ORC4: variants seen among roughly 807,000 people sequenced by gnomAD.
ORC4 encodes origin recognition complex, subunit 4 homolog.
A neutral mutation model predicts 63.9 loss-of-function variants in ORC4; 55 were observed. The observed-to-expected ratio is 0.86, with a 90% CI of 0.69 to 1.08. The LOEUF (loss-of-function observed/expected upper bound fraction) is 1.08. Among genes scored for constraint, ORC4 ranks in the 50% least tolerant of loss-of-function variants. ORC4 has a pLI of 0.00. For synonymous variants in ORC4, 150 were observed against 168.5 expected, an observed-to-expected ratio of 0.89 and a Z score of 0.85; for missense variants, 511 against 504.4, an observed-to-expected ratio of 1.01 and a Z score of -0.13.
At chr2:147,944,672 C>T (rs1688555962) in intron 9 of ORC4, among the ~76,000 whole-genome samples, 1 of 146,280 alleles carries the variant, frequency 6.8e-6, no homozygotes, top group Non-Finnish European at 1.5e-5. Context: ...TTTCAAAAAT[C>T]ATCTGCATGG....
chr2:147,939,332 G>C, intron 10 of ORC4, 84 bp from the exon 11 acceptor site: 1 of 809,178 alleles, frequency 1.2e-6, no homozygotes. Context: ...AATTTGTATA[G>C]TTAATTCTTA....
chr2:148,000,176 T>A (rs1000371835), intron 1 of ORC4, among the ~76,000 whole-genome samples: 9 of 151,910 alleles, frequency 5.9e-5, no homozygotes, highest in African/African-American at 1.9e-4. Flanking sequence ...CATGAGGAAT[T>A]TTCCCAGAGT....
intron 9 of ORC4, 176 bp downstream of exon 9, chr2:147,947,875 A>G: frequency 1.9e-6 from 1 of 533,134 alleles, no homozygotes; most frequent in Admixed American, 3.3e-5. Context: ...AGGAGAAATG[A>G]CATTTCAACT....
intron 1 of ORC4, among the ~76,000 whole-genome samples, chr2:147,981,643 T>C (rs563775086): frequency 1.3e-5 from 2 of 152,302 alleles, no homozygotes; most frequent in Non-Finnish European, 1.5e-5. Flanking sequence ...CCACAATGTA[T>C]ACCTATATTA....
At chr2:147,988,052 CAAA>C (rs1213881150) in intron 1 of ORC4, among the ~76,000 whole-genome samples, 4 of 60,234 alleles carry the variant, frequency 6.6e-5, no homozygotes, top group Admixed American at 3.8e-4. Context: ...GACTCTGTCT[CAAA>C]AAAAAAAAAA....
At chr2:148,021,409 A>G, upstream of ORC4, 1 of 499,234 alleles carries the variant, frequency 2.0e-6, no homozygotes, top group Non-Finnish European at 3.9e-6. Flanking sequence ...CCGTGAGAGG[A>G]GGAGAGAAAG....
At chr2:147,948,827 T>TG (rs1042626512) in intron 8 of ORC4, among the ~76,000 whole-genome samples, 9 of 151,468 alleles carry the variant, frequency 5.9e-5, no homozygotes, top group African/African-American at 2.2e-4. Flanking sequence ...TGTTCTTAAA[T>TG]GAAGAAAATA....
intron 1 of ORC4, among the ~76,000 whole-genome samples, chr2:148,002,952 A>G (rs1302460673): frequency 6.6e-6 from 1 of 152,246 alleles, no homozygotes. Flanking sequence ...CCACAGAAAT[A>G]CAAACTACCA....
chr2:147,938,093 G>T (rs1419843056), intron 13 of ORC4, 53 bp downstream of exon 13: 3 of 1,162,864 alleles, frequency 2.6e-6, no homozygotes, highest in African/African-American at 1.5e-5. Context: ...TAATCAAATT[G>T]GATGTAAAAA....
intron 1 of ORC4, among the ~76,000 whole-genome samples, chr2:147,986,152 CAT>C (rs1476267224): frequency 6.6e-6 from 1 of 152,116 alleles, no homozygotes; most frequent in Non-Finnish European, 1.5e-5. Flanking sequence ...AAAAGGAATA[CAT>C]GTTTCGTACA....
At chr2:148,019,257 G>A (rs1045763987) in intron 1 of ORC4, among the ~76,000 whole-genome samples, 2 of 152,180 alleles carry the variant, frequency 1.3e-5, no homozygotes, top group South Asian at 2.1e-4. Flanking sequence ...AAAGCAAAAC[G>A]TGGAAAATTA....
intron 6 of ORC4, among the ~76,000 whole-genome samples, chr2:147,955,741 G>C (rs909385828): frequency 1.3e-5 from 2 of 151,964 alleles, no homozygotes; most frequent in African/African-American, 4.8e-5. Flanking sequence ...TTGTAGAATT[G>C]CCATATTCTA....
Position 147,932,187 on chromosome 2 carries a change from A to G in ORC4, c.*3323T>C, listed in dbSNP as rs1199728169. 22 of 150,186 alleles carry G rather than the reference A, an allele frequency of 1.5e-4. No individual in the cohort carries two copies. The highest frequency in any genetic ancestry group is 5.1e-4 in the African/African-American group (21 of 41,038). The allele number at this position is 150,186 out of a possible 1,614,324, so 9.3% of individuals were successfully genotyped here. ...CAGACAAACAGAGAGCCAAATCATGAGTGAACTCCCATTCACAATTGCTTC... is the reference window on the plus strand; with the variant it reads ...CAGACAAACAGAGAGCCAAATCATGGGTGAACTCCCATTCACAATTGCTTC... On this transcript the variant is annotated 3_prime_UTR_variant, in exon 14 of 14. Coordinates refer to ENST00000392857, the MANE Select transcript of ORC4 (RefSeq NM_181741.4).
At position 147,952,448 on chromosome 2, in the gene ORC4, T is replaced by G; in HGVS notation, c.513A>C (p.Thr171=). The G allele has an allele frequency of 6.2e-7, 1 of 1,610,096 alleles. No individual in the cohort carries two copies. The highest frequency in any genetic ancestry group is 8.5e-7 in the Non-Finnish European group (1 of 1,176,516). The change falls in exon 8 of 14, where the codon ACA becomes ACC. Residue 171 remains threonine, a synonymous_variant. Transcript: ENST00000392857. ...AAATGTCAAAAAGATTATAGAGAAG[T>G]GTTTGGTTTTTATGATGAGCAAAAA... ...FDLFAHHKNQ[T]LLYNLFDISQ... is the part of the protein sequence containing the mutation.
intron 1 of ORC4, among the ~76,000 whole-genome samples, chr2:147,989,291 G>A (rs893794381): frequency 6.6e-6 from 1 of 152,116 alleles, no homozygotes; most frequent in Non-Finnish European, 1.5e-5. Flanking sequence ...TTGGGGTGGA[G>A]TATGGGGGCA....
At chr2:147,996,317 CA>C (rs1177969775) in intron 1 of ORC4, among the ~76,000 whole-genome samples, 1 of 152,024 alleles carries the variant, frequency 6.6e-6, no homozygotes, top group Non-Finnish European at 1.5e-5. Context: ...AACAAACAAA[CA>C]AACAAACAAA....
At chr2:147,976,160 C>T (rs1690542020) in intron 1 of ORC4, among the ~76,000 whole-genome samples, 185 bp from the exon 2 acceptor site, 1 of 152,042 alleles carries the variant, frequency 6.6e-6, no homozygotes. Flanking sequence ...ACTCTCATAC[C>T]ACACTTTAGG....
At chr2:147,974,216 G>A (rs1690387672) in intron 2 of ORC4, among the ~76,000 whole-genome samples, 1 of 152,142 alleles carries the variant, frequency 6.6e-6, no homozygotes, top group Non-Finnish European at 1.5e-5. Context: ...AAGTTAAAGA[G>A]TAAGGACATT....
At chr2:147,975,701 T>C (rs971127252) in intron 2 of ORC4, among the ~76,000 whole-genome samples, 3 of 152,168 alleles carry the variant, frequency 2.0e-5, no homozygotes, top group Non-Finnish European at 4.4e-5. Flanking sequence ...TGACAGAGTT[T>C]GGAAAATTTT....
Sources: allele counts gnomAD v4.1 joint callset (sites outside exome capture counted in the v4.1 genomes callset), GRCh38; gene constraint gnomAD v4.1.1; transcripts MANE v1.5; gene names NCBI Gene and HGNC (gene_info 2026-07-23, HGNC 2026-07-21).